SLC39A12: variants seen among roughly 807,000 people sequenced by gnomAD.
SLC39A12 encodes the protein solute carrier family 39 member 12.
Under a neutral mutation model 71.1 loss-of-function variants are expected in SLC39A12, and 63 were observed. That is an observed-to-expected ratio of 0.89 (90% CI 0.72 to 1.09). The LOEUF (loss-of-function observed/expected upper bound fraction) is 1.09, where lower values mean the gene tolerates loss of function less well. Among genes scored for constraint, SLC39A12 ranks in the 50% least tolerant of loss-of-function variants. SLC39A12 has a pLI of 0.00. For synonymous variants in SLC39A12, 351 were observed against 301.3 expected (o/e 1.16, Z -1.71); for missense variants, 892 against 812.6 (o/e 1.10, Z -1.19).
Position 18,022,589 on chromosome 10 carries a change from G to A in SLC39A12, c.1947+19231G>A, listed in dbSNP as rs565522678. Among the ~76,000 whole-genome samples, 34 of 152,120 alleles carry A rather than the reference G, an allele frequency of 2.2e-4. No homozygotes were observed. In the South Asian group the frequency reaches 4.8e-3, roughly 21 times the overall value. On this transcript the variant is annotated intron_variant, in intron 12 of 12. Transcript: ENST00000377369. ...GGGTTTCAACTTCCTCTTGAATCTC[G>A]ATGATCTTTGTTGCTATCCAGATTC...
chr10:17,981,432 T>G lies in SLC39A12; in HGVS notation c.1045T>G (p.Cys349Gly). The G allele has an allele frequency of 6.2e-7, 1 of 1,614,002 alleles. No individual in the cohort carries two copies. Among genetic ancestry groups the G allele is most frequent in the Non-Finnish European group, 8.5e-7 (1 of 1,179,902 alleles). ...CATCCAGCAGCTCCTCAGCTGCTCC[T>G]GCCACTTACCCAAGGACCAACAAGC... ...GIIQQLLSCSCHLPKDQQAKL... is the reference protein window; with the variant it reads ...GIIQQLLSCSGHLPKDQQAKL... Residue 349 changes from cysteine (C) to glycine (G), a missense_variant, in exon 6 of 13, where the codon TGC (cysteine) becomes GGC (glycine). By Grantham distance (159) the Cys-to-Gly change is radical. Coordinates refer to ENST00000377369, the MANE Select transcript of SLC39A12 (RefSeq NM_001145195.2).
chr10:18,023,177 G>C (rs189235612), intron 12 of SLC39A12, among the ~76,000 whole-genome samples: 1 of 152,260 alleles, frequency 6.6e-6, no homozygotes, highest in African/African-American at 2.4e-5. Flanking sequence ...TGGGGACCTT[G>C]ACAGTGGCAA....
chr10:18,041,665 GTATATATATGTA>G (rs1837239524), intron 12 of SLC39A12, among the ~76,000 whole-genome samples: 1 of 29,598 alleles, frequency 3.4e-5, no homozygotes, highest in East Asian at 6.3e-4. Flanking sequence ...GTATATATGT[GTATATATATGTA>G]TATACATATG....
chr10:17,989,400 G>A (rs188381921), intron 7 of SLC39A12, among the ~76,000 whole-genome samples: 5 of 152,182 alleles, frequency 3.3e-5, no homozygotes, highest in Non-Finnish European at 7.3e-5. Flanking sequence ...GAGTAGAGGC[G>A]GCGGCCCAGG....
chr10:18,021,732 G>T (rs144749874), intron 12 of SLC39A12, among the ~76,000 whole-genome samples: 2 of 152,090 alleles, frequency 1.3e-5, no homozygotes, highest in African/African-American at 4.8e-5. Flanking sequence ...CTATGTACTT[G>T]AGTGTGTTTT....
At chr10:17,979,630 A>G (rs1387738703) in intron 5 of SLC39A12, among the ~76,000 whole-genome samples, 2 of 152,244 alleles carry the variant, frequency 1.3e-5, no homozygotes, top group African/African-American at 2.4e-5. Context: ...TAAAGGGAAA[A>G]AAAAACACAA....
At position 17,952,947 on chromosome 10, in the gene SLC39A12, A is replaced by G. The variant is rs141348940; in HGVS notation, c.-86-244A>G. Reference sequence around the variant, plus strand: ...TGTACCACCTGTTGGTAAATGGAGAAACTTACGTGACGCTATGTTTAGTTT... The same window carrying G: ...TGTACCACCTGTTGGTAAATGGAGAGACTTACGTGACGCTATGTTTAGTTT... On this transcript the variant is annotated intron_variant, in intron 1 of 12. Coordinates refer to ENST00000377369, the MANE Select transcript of SLC39A12 (RefSeq NM_001145195.2). Among the ~76,000 whole-genome samples, 756 of 152,304 alleles carry G rather than the reference A, an allele frequency of 5.0e-3. 8 individuals carry two copies. The highest frequency in any genetic ancestry group is 0.018 in the African/African-American group (735 of 41,566).
At chr10:17,977,858 C>G in intron 4 of SLC39A12, 44 bp from the exon 5 acceptor site, 1 of 1,424,988 alleles carries the variant, frequency 7.0e-7, no homozygotes. Context: ...CTATTCGGAA[C>G]TTATCTATTC....
At chr10:17,965,957 T>C (rs572544169) in intron 4 of SLC39A12, among the ~76,000 whole-genome samples, 14 of 152,230 alleles carry the variant, frequency 9.2e-5, no homozygotes, top group Non-Finnish European at 1.9e-4. Context: ...GATTTTATGA[T>C]CTGCCATAAA....
chr10:17,980,653 A>G (rs1835230468), intron 5 of SLC39A12, among the ~76,000 whole-genome samples: 1 of 152,164 alleles, frequency 6.6e-6, no homozygotes, highest in Non-Finnish European at 1.5e-5. Flanking sequence ...CCTATACAGT[A>G]TGAAAACAAA....
intron 10 of SLC39A12, among the ~76,000 whole-genome samples, chr10:18,000,011 A>G (rs2130840751): frequency 6.6e-6 from 1 of 152,316 alleles, no homozygotes; most frequent in Middle Eastern, 3.4e-3. Context: ...TCGGTCTGCT[A>G]CAACAAACTA....
chr10:17,973,242 A>T (rs546806549), intron 4 of SLC39A12, among the ~76,000 whole-genome samples: 1 of 152,164 alleles, frequency 6.6e-6, no homozygotes, highest in East Asian at 1.9e-4. Context: ...TTAGTTTATT[A>T]TTTAGTCTTC....
intron 2 of SLC39A12, among the ~76,000 whole-genome samples, chr10:17,959,153 C>T (rs1248955829): frequency 1.3e-5 from 2 of 151,722 alleles, no homozygotes; most frequent in Non-Finnish European, 2.9e-5. Context: ...TTTTTCATTA[C>T]ACTTTTATTT....
At chr10:17,998,209 T>A (rs1217243185) in intron 10 of SLC39A12, among the ~76,000 whole-genome samples, 1 of 152,238 alleles carries the variant, frequency 6.6e-6, no homozygotes, top group Admixed American at 6.5e-5. Flanking sequence ...TGCCTGTGGC[T>A]TGTTACCTAT....
intron 5 of SLC39A12, among the ~76,000 whole-genome samples, chr10:17,979,342 C>A (rs556847580): frequency 1.3e-5 from 2 of 152,168 alleles, no homozygotes; most frequent in African/African-American, 2.4e-5. Context: ...AATAGAATAA[C>A]CTTACTCTCT....
At chr10:17,999,633 T>A (rs182855655) in intron 10 of SLC39A12, among the ~76,000 whole-genome samples, 1 of 152,324 alleles carries the variant, frequency 6.6e-6, no homozygotes, top group Non-Finnish European at 1.5e-5. Flanking sequence ...GGCTCTCTCC[T>A]GACCAGATGA....
chr10:17,981,629 G>C (rs951680679), intron 6 of SLC39A12, 146 bp downstream of exon 6: 2 of 627,712 alleles, frequency 3.2e-6, no homozygotes, highest in African/African-American at 3.7e-5. Flanking sequence ...AATGCTACAA[G>C]GTAGATATTA....
chr10:18,024,461 G>A (rs1196173913), intron 12 of SLC39A12, among the ~76,000 whole-genome samples: 1 of 152,106 alleles, frequency 6.6e-6, no homozygotes, highest in African/African-American at 2.4e-5. Flanking sequence ...TTCCCTTGGT[G>A]GATACCCTGC....
At chr10:18,035,048 T>C (rs1836960698) in intron 12 of SLC39A12, among the ~76,000 whole-genome samples, 2 of 145,906 alleles carry the variant, frequency 1.4e-5, no homozygotes, top group South Asian at 4.5e-4. Flanking sequence ...CCTTTGAGGG[T>C]AACCCGACCT....
Sources: allele counts gnomAD v4.1 joint callset (sites outside exome capture counted in the v4.1 genomes callset), GRCh38; gene constraint gnomAD v4.1.1; transcripts MANE v1.5; gene names NCBI Gene and HGNC (gene_info 2026-07-23, HGNC 2026-07-21).